Variants in OGFR observed in about 807,000 individuals in gnomAD.
OGFR encodes the protein protein 7-60.
OGFR carries 18 observed loss-of-function variants against 33.6 expected under a neutral mutation model. That is an observed-to-expected ratio of 0.54 (90% CI 0.37 to 0.80). The LOEUF is 0.80. Among genes scored for constraint, OGFR ranks in the 30% least tolerant of loss-of-function variants. OGFR has a pLI of 0.00. For synonymous variants in OGFR, 370 were observed against 400.7 expected, an observed-to-expected ratio of 0.92 and a Z score of 0.91; for missense variants, 877 against 955.8, an observed-to-expected ratio of 0.92 and a Z score of 1.09.
intron 5 of OGFR, among the ~76,000 whole-genome samples, chr20:62,810,888 G>A (rs1990714006): frequency 1.3e-5 from 2 of 152,238 alleles, no homozygotes; most frequent in Admixed American, 1.3e-4. Context: ...TCACCCAAGT[G>A]TGGAAGCTGC....
At chr20:62,807,379 AAG>A (rs1990619096) in intron 1 of OGFR, 156 bp from the exon 2 acceptor site, 1 of 663,504 alleles carries the variant, frequency 1.5e-6, no homozygotes, top group South Asian at 1.9e-5. Context: ...ACCCCCAAAA[AAG>A]AGCCAGGGCA....
chr20:62,812,504 C>A lies in OGFR; in HGVS notation c.889C>A (p.Pro297Thr), dbSNP rs1290219701. ...GPQDKLRRFKPSSLPHPLEGS... is the reference protein window; with the variant it reads ...GPQDKLRRFKTSSLPHPLEGS... The stretch of plus-strand genomic sequence containing the variant: ...CCAAGACAAGCTGCGGAGGTTCAAG[C>A]CCAGCTCTCTGCCCCATCCGCTCGA... The change falls in exon 7 of 7, where the codon CCC becomes ACC. Residue 297 changes from proline (P) to threonine (T), a missense_variant. Physicochemically the swap from Pro to Thr is conservative, Grantham distance 38. Transcript: ENST00000290291. 4 of 1,583,970 alleles carry A rather than the reference C, an allele frequency of 2.5e-6. No homozygotes were observed. Among genetic ancestry groups the A allele is most frequent in the Middle Eastern group, 1.7e-4 (1 of 5,954 alleles).
intron 1 of OGFR, chr20:62,806,457 T>C (rs1300703545): frequency 6.6e-6 from 1 of 152,234 alleles, no homozygotes; most frequent in East Asian, 1.9e-4. Context: ...GGAGAATCGC[T>C]TAAACCTGGG....
At chr20:62,810,876 G>T (rs1318682900) in intron 5 of OGFR, among the ~76,000 whole-genome samples, 1 of 152,238 alleles carries the variant, frequency 6.6e-6, no homozygotes, top group Admixed American at 6.5e-5. Context: ...GCTGGAGTGG[G>T]GTCACCCAAG....
chr20:62,807,904 C>T, intron 2 of OGFR: 3 of 599,186 alleles, frequency 5.0e-6, no homozygotes, highest in Non-Finnish European at 5.9e-6. Flanking sequence ...ACCGCCCACA[C>T]AGCACCCCAC....
intron 2 of OGFR, chr20:62,808,017 A>G (rs528454765): frequency 1.1e-5 from 7 of 615,330 alleles, no homozygotes; most frequent in Non-Finnish European, 2.0e-5. Context: ...TGAGGAGGGG[A>G]CCTGCCAGGC....
rs543496350 is a variant in OGFR at position 62,813,610 on chromosome 20, C to T, written c.1995C>T (p.Asp665=). 26 of 1,612,824 alleles carry T rather than the reference C, an allele frequency of 1.6e-5. No individual in the cohort carries two copies. Among genetic ancestry groups the T allele is most frequent in the African/African-American group, 8.0e-5 (6 of 75,036 alleles). ...CGGGGGAGGCAGCAGAGTTGCAGGA[C>T]GCAGAGGTGGAGTCTTCTGCCAAGT... The part of the protein sequence containing the change: ...AKAGEAAELQ[D]AEVESSAKSG... Residue 665 remains aspartate (D), a synonymous_variant, in exon 7 of 7, where the codon GAC becomes GAT. Transcript: ENST00000290291.
rs918464837 is a variant in OGFR at position 62,813,925 on chromosome 20, G to A, written c.*276G>A. On this transcript the variant is annotated 3_prime_UTR_variant, in exon 7 of 7. Transcript: ENST00000290291. ...TTGTAAATTGACCCTTCTGGAGTGG[G>A]GGGCGGCGGGCAGGGCTGCTTTTCT... is the stretch of plus-strand genomic sequence containing the variant. 3 of 554,760 alleles carry A rather than the reference G, an allele frequency of 5.4e-6. No homozygotes were observed. Among genetic ancestry groups the A allele is most frequent in the Non-Finnish European group, 6.4e-6 (2 of 312,660 alleles). The allele number at this position is 554,760 out of a possible 1,614,324, so 34.4% of individuals were successfully genotyped here. A position where few individuals can be genotyped will look rare whatever the true frequency, so the allele number is the denominator to read the frequency against.
intron 3 of OGFR, among the ~76,000 whole-genome samples, chr20:62,809,311 C>T (rs1302636165): frequency 6.6e-6 from 1 of 152,220 alleles, no homozygotes; most frequent in African/African-American, 2.4e-5. Flanking sequence ...GTGGTTCCCC[C>T]AGAGGGACCT....
chr20:62,809,994 C>T lies in OGFR; in HGVS notation c.398+331C>T, dbSNP rs560178594. Among the ~76,000 whole-genome samples the T allele has an allele frequency of 5.3e-5, 8 of 152,364 alleles. No individual in the cohort carries two copies. The South Asian group carries it at 8.3e-4, about 16-fold the overall frequency. The stretch of plus-strand genomic sequence containing the variant: ...GGAGGCCTCAGTGAGCCTCAAGGGG[C>T]GGCCCCCGTCTCGGACTCAGCTGGG... On this transcript the variant is annotated intron_variant, in intron 4 of 6. Coordinates refer to ENST00000290291, the MANE Select transcript of OGFR (RefSeq NM_007346.4).
intron 6 of OGFR, among the ~76,000 whole-genome samples, 198 bp from the exon 7 acceptor site, chr20:62,812,032 C>G (rs900298276): frequency 6.6e-6 from 1 of 152,232 alleles, no homozygotes; most frequent in African/African-American, 2.4e-5. Flanking sequence ...CCCCGTGTGT[C>G]TAGGGCCCAC....
chr20:62,807,439 C>T, intron 1 of OGFR, 98 bp from the exon 2 acceptor site: 1 of 1,028,540 alleles, frequency 9.7e-7, no homozygotes, highest in South Asian at 1.3e-5. Context: ...TTAAAGACAG[C>T]TCTGTGGCAG....
intron 3 of OGFR, 34 bp downstream of exon 3, chr20:62,808,359 TC>T: frequency 6.6e-7 from 1 of 1,518,496 alleles, no homozygotes; most frequent in Non-Finnish European, 9.1e-7. Context: ...AGCCGGCGCT[TC>T]CATCCTTGCC....
intron 1 of OGFR, chr20:62,806,746 C>T (rs1990601854): frequency 6.6e-6 from 1 of 152,382 alleles, no homozygotes; most frequent in Non-Finnish European, 1.5e-5. Context: ...CTGCCCTACC[C>T]ACCGAGTGAG....
At chr20:62,805,589 GC>G (rs11478750) in intron 1 of OGFR, 57,291 of 152,288 alleles carry the variant, frequency 0.38, 11,479 homozygotes, top group African/African-American at 0.48. Flanking sequence ...TCGCAGTCCG[GC>G]CCCCCTGTCG....
intron 5 of OGFR, among the ~76,000 whole-genome samples, chr20:62,811,138 G>A (rs1990719321): frequency 6.6e-6 from 1 of 152,204 alleles, no homozygotes; most frequent in Non-Finnish European, 1.5e-5. Flanking sequence ...GAGGCGGGTG[G>A]ATCACCTGAG....
intron 4 of OGFR, among the ~76,000 whole-genome samples, chr20:62,810,093 C>T (rs200861573): frequency 6.6e-6 from 1 of 151,934 alleles, no homozygotes; most frequent in Non-Finnish European, 1.5e-5. Flanking sequence ...GCCCCGGAAA[C>T]AGCATGCCCT....
At chr20:62,805,272 T>TC (rs1232031985) in intron 1 of OGFR, among the ~76,000 whole-genome samples, 1 of 151,186 alleles carries the variant, frequency 6.6e-6, no homozygotes, top group Non-Finnish European at 1.5e-5. Flanking sequence ...TGGGCGCCGT[T>TC]CCCCCCGGGG....
chr20:62,807,660 C>G (rs1990628448), intron 2 of OGFR, 55 bp downstream of exon 2: 1 of 1,551,570 alleles, frequency 6.4e-7, no homozygotes, highest in Non-Finnish European at 8.8e-7. Context: ...CTGCTCTTCT[C>G]AGGCAGAATG....
Sources: gnomAD v4.1 joint callset for allele counts (sites outside exome capture counted in the v4.1 genomes callset) on GRCh38, gnomAD v4.1.1 for gene constraint, MANE v1.5 for transcripts, NCBI Gene and HGNC (gene_info 2026-07-23, HGNC 2026-07-21) for gene names.